Variants in PEPD observed in about 807,000 individuals in gnomAD.
The protein encoded by PEPD is xaa-Pro dipeptidase.
PEPD carries 53 observed loss-of-function variants against 60.7 expected under a neutral mutation model. That is an observed-to-expected ratio of 0.87 (90% CI 0.70 to 1.10). The LOEUF is 1.10. Ranked by LOEUF, PEPD falls within the 50% of genes least tolerant of loss-of-function variation. The pLI is 0.00. For missense variants in PEPD, 711 were observed against 711.9 expected, an observed-to-expected ratio of 1.00 and a Z score of 0.01; for synonymous variants, 267 against 284.1, an observed-to-expected ratio of 0.94 and a Z score of 0.60.
At position 33,521,743 on chromosome 19, in the gene PEPD, C is replaced by A. The variant is rs1203223583; in HGVS notation, c.17+1G>T. ...AAGAGCGAGGGAGGCGCAGCACTCA[C>A]CCGGTGGCCGCCGCCATGTTCGCCC... On this transcript the variant is annotated splice_donor_variant, in intron 1 of 14. Coordinates refer to ENST00000244137, the MANE Select transcript of PEPD (RefSeq NM_000285.4). LOFTEE classifies it high-confidence loss of function. 2 of 1,578,654 alleles carry A rather than the reference C, an allele frequency of 1.3e-6. No individual in the cohort carries two copies. The highest frequency in any genetic ancestry group is 1.2e-5 in the South Asian group (1 of 86,816).
intron 9 of PEPD, among the ~76,000 whole-genome samples, chr19:33,456,579 T>A (rs1412741768): frequency 6.6e-6 from 1 of 152,138 alleles, no homozygotes; most frequent in East Asian, 1.9e-4. Flanking sequence ...GAAGGGGCCC[T>A]CTTCTCTGAA....
chr19:33,444,304 C>T (rs1015696566), intron 9 of PEPD, among the ~76,000 whole-genome samples: 2 of 152,086 alleles, frequency 1.3e-5, no homozygotes, highest in Non-Finnish European at 2.9e-5. Context: ...CTGGGGATCT[C>T]TCTCCATTCA....
At chr19:33,387,761 G>A (rs1968110097) in intron 14 of PEPD, 129 bp downstream of exon 14, 5 of 851,528 alleles carry the variant, frequency 5.9e-6, no homozygotes, top group African/African-American at 1.7e-5. Context: ...CAGACCACAC[G>A]AAGGGGCAGG....
chr19:33,417,843 C>T lies in PEPD; in HGVS notation c.672-4200G>A, dbSNP rs75878883. ...ACAGAATCTGCATAGGTCCACGGCC[C>T]GGACACCCACTCCCGCACCCTCCAG... On this transcript the variant is annotated intron_variant, in intron 9 of 14. Transcript: ENST00000244137. Among the ~76,000 whole-genome samples, 1,357 of 152,302 alleles carry T rather than the reference C, an allele frequency of 8.9e-3. 29 individuals are homozygous for T. The highest frequency in any genetic ancestry group is 0.031 in the African/African-American group (1,306 of 41,554).
At chr19:33,502,623 T>C (rs1003563433) in intron 3 of PEPD, among the ~76,000 whole-genome samples, 3 of 152,072 alleles carry the variant, frequency 2.0e-5, no homozygotes, top group African/African-American at 7.2e-5. Context: ...TAGCCTCTGA[T>C]TGGTTGCAGA....
chr19:33,418,276 A>G (rs1039340445), intron 9 of PEPD, among the ~76,000 whole-genome samples: 1 of 152,228 alleles, frequency 6.6e-6, no homozygotes, highest in African/African-American at 2.4e-5. Flanking sequence ...TGTGTCATTA[A>G]CGTGATACAC....
At chr19:33,441,570 T>C (rs760081368) in intron 9 of PEPD, among the ~76,000 whole-genome samples, 1 of 152,168 alleles carries the variant, frequency 6.6e-6, no homozygotes. Context: ...ACCACCAGGG[T>C]AGGAGGCAGC....
At chr19:33,397,988 C>T (rs1249579793) in intron 12 of PEPD, among the ~76,000 whole-genome samples, 1 of 152,214 alleles carries the variant, frequency 6.6e-6, no homozygotes, top group African/African-American at 2.4e-5. Flanking sequence ...CCACCCAGGT[C>T]CTGCCCAGGC....
At position 33,411,746 on chromosome 19, in the gene PEPD, A is replaced by G. The variant is rs74988985; in HGVS notation, c.744T>C (p.Gly248=). The G allele has an allele frequency of 0.017, 26,783 of 1,600,728 alleles. 319 individuals carry two copies. The highest frequency in any genetic ancestry group is 0.017 in the Non-Finnish European group (19,673 of 1,168,550). ...HSSYTCICGS[G]ENSAVLHYGH... ...CGTAGTGTAGCACGGCTGAGTTCTC[A>G]CCACTGCAAAGAGCCGGGGGAGGGT... The change falls in exon 11 of 15, where the codon GGT becomes GGC. Residue 248 remains glycine (G), a synonymous_variant. Coordinates refer to ENST00000244137, the MANE Select transcript of PEPD (RefSeq NM_000285.4).
chr19:33,473,719 C>T (rs1316738974), intron 7 of PEPD, among the ~76,000 whole-genome samples: 1 of 152,184 alleles, frequency 6.6e-6, no homozygotes, highest in East Asian at 1.9e-4. Flanking sequence ...AACAGTAAAG[C>T]AGAACCACAG....
chr19:33,426,959 C>T (rs1003792864), intron 9 of PEPD, among the ~76,000 whole-genome samples: 1 of 152,216 alleles, frequency 6.6e-6, no homozygotes, highest in African/African-American at 2.4e-5. Context: ...GGGCAGGGCC[C>T]CTCCACCGCG....
intron 9 of PEPD, among the ~76,000 whole-genome samples, chr19:33,459,196 G>A (rs956162158): frequency 2.0e-5 from 3 of 152,000 alleles, no homozygotes; most frequent in African/African-American, 4.8e-5. Flanking sequence ...CACGGTACCC[G>A]TCACACTACA....
chr19:33,487,973 G>A (rs764325245), intron 6 of PEPD, among the ~76,000 whole-genome samples: 5 of 151,982 alleles, frequency 3.3e-5, no homozygotes, highest in African/African-American at 4.8e-5. Flanking sequence ...TGCCTTCCTC[G>A]GGGAACCTCA....
chr19:33,437,657 T>C (rs1969404358), intron 9 of PEPD, among the ~76,000 whole-genome samples: 1 of 152,328 alleles, frequency 6.6e-6, no homozygotes, highest in African/African-American at 2.4e-5. Flanking sequence ...TATAGCAAGA[T>C]GACAAATATC....
At position 33,512,780 on chromosome 19, in the gene PEPD, C is replaced by G. The variant is rs748695168; in HGVS notation, c.18-4G>C. The G allele has an allele frequency of 6.2e-7, 1 of 1,613,968 alleles. No homozygotes were observed. The highest frequency in any genetic ancestry group is 1.7e-5 in the Admixed American group (1 of 60,014). On this transcript the variant is annotated splice_region_variant and splice_polypyrimidine_tract_variant and intron_variant, in intron 1 of 14. Transcript: ENST00000244137. Reference sequence around the variant, plus strand: ...ATTCCCCAGCCAAAACGAGGGTCTGCAGAGGCAAGAGCACACACCGCCACA... The same window carrying G: ...ATTCCCCAGCCAAAACGAGGGTCTGGAGAGGCAAGAGCACACACCGCCACA...
In PEPD at chr19:33,508,493, G is replaced by A. The variant is rs534424258; in HGVS notation, c.329+2535C>T. Among the ~76,000 whole-genome samples, 10 of 152,352 alleles carry A rather than the reference G, an allele frequency of 6.6e-5. 1 individual carries two copies. The highest frequency in any genetic ancestry group is 1.7e-4 in the African/African-American group (7 of 41,578). On this transcript the variant is annotated intron_variant, in intron 3 of 14. Transcript: ENST00000244137. Reference sequence around the variant, plus strand: ...ACCACCAATCATGTTCATGGACTCTGAAGGTCGGGAATTTGGACCGAGCCC... The same window carrying A: ...ACCACCAATCATGTTCATGGACTCTAAAGGTCGGGAATTTGGACCGAGCCC...
At chr19:33,417,134 C>T (rs954507743) in intron 9 of PEPD, among the ~76,000 whole-genome samples, 16 of 152,256 alleles carry the variant, frequency 1.1e-4, no homozygotes, top group African/African-American at 3.6e-4. Flanking sequence ...TGCCTGGCAG[C>T]AAGTGTCGGC....
chr19:33,387,142 T>G lies in PEPD; in HGVS notation c.*202A>C. On this transcript the variant is annotated 3_prime_UTR_variant, in exon 15 of 15. Transcript: ENST00000244137. The stretch of plus-strand genomic sequence containing the variant: ...TTAATAAGCAAGGTATAAAACAGAT[T>G]AAAGGTGGGAGCCTGCAAAAGGGTA... 1.6e-6 allele frequency: 1 copy of G among 608,930 alleles called. No individual in the cohort carries two copies. The highest frequency in any genetic ancestry group is 2.9e-6 in the Non-Finnish European group (1 of 344,676). 37.7% of individuals were successfully genotyped at this position (608,930 alleles called of 1,614,324 possible).
At chr19:33,421,979 T>A (rs888145782) in intron 9 of PEPD, among the ~76,000 whole-genome samples, 1 of 151,898 alleles carries the variant, frequency 6.6e-6, no homozygotes, top group African/African-American at 2.4e-5. Context: ...CCCTACAGAG[T>A]GTGCTCCACA....
Sources: gnomAD v4.1 joint callset for allele counts (sites outside exome capture counted in the v4.1 genomes callset) on GRCh38, gnomAD v4.1.1 for gene constraint, MANE v1.5 for transcripts, NCBI Gene and HGNC (gene_info 2026-07-23, HGNC 2026-07-21) for gene names.